NRCAM: variants seen among roughly 807,000 people sequenced by gnomAD.
NRCAM encodes the protein NgCAM-related cell adhesion molecule.
NRCAM carries 83 observed loss-of-function variants against 156.5 expected under a neutral mutation model. The observed-to-expected ratio is 0.53, with a 90% confidence interval of 0.44 to 0.64. NRCAM has a LOEUF of 0.64. NRCAM is among the 30% of genes least tolerant of loss of function. The pLI, the probability that NRCAM is intolerant of heterozygous loss-of-function variation, is 0.00. For synonymous variants in NRCAM, 538 were observed against 563.9 expected (o/e 0.95, Z 0.65); for missense variants, 1,417 against 1,597.3 (o/e 0.89, Z 1.92).
At chr7:108,230,725 C>T (rs1206319418) in intron 8 of NRCAM, among the ~76,000 whole-genome samples, 4 of 147,792 alleles carry the variant, frequency 2.7e-5, no homozygotes, top group African/African-American at 7.4e-5. Flanking sequence ...CAAAACTCTG[C>T]TTTTTTTTTT....
intron 1 of NRCAM, among the ~76,000 whole-genome samples, chr7:108,446,847 C>A (rs1268897372): frequency 3.3e-5 from 5 of 151,756 alleles, no homozygotes; most frequent in African/African-American, 7.3e-5. Context: ...CCTGCCTCAG[C>A]CTCCTGAGTA....
intron 2 of NRCAM, among the ~76,000 whole-genome samples, chr7:108,392,572 C>T (rs965203316): frequency 1.1e-4 from 16 of 152,192 alleles, no homozygotes; most frequent in Non-Finnish European, 2.4e-4. Context: ...TCTCTCAACT[C>T]GTCAAAGTCA....
intron 2 of NRCAM, among the ~76,000 whole-genome samples, chr7:108,378,458 G>A (rs1005815248): frequency 2.0e-5 from 3 of 151,954 alleles, no homozygotes; most frequent in South Asian, 2.1e-4. Flanking sequence ...AAAAGGTTGA[G>A]AATCATAAAG....
chr7:108,396,741 T>C (rs1032745170), intron 2 of NRCAM, among the ~76,000 whole-genome samples: 7 of 152,164 alleles, frequency 4.6e-5, no homozygotes, highest in African/African-American at 1.7e-4. Context: ...TGTATGAATT[T>C]AAAAATGAAC....
chr7:108,240,199 T>C (rs879202829), intron 3 of NRCAM, 29 bp from the exon 4 acceptor site: 10 of 577,918 alleles, frequency 1.7e-5, no homozygotes, highest in Admixed American at 1.2e-4. Context: ...GGAATAATAA[T>C]TATAATGTAT....
chr7:108,209,305 A>T (rs1300054231), intron 12 of NRCAM, 116 bp downstream of exon 12: 1 of 698,984 alleles, frequency 1.4e-6, no homozygotes, highest in Middle Eastern at 4.0e-4. Flanking sequence ...TCAAGGTACC[A>T]TGAATGTTGA....
rs758041961 is a variant in NRCAM, at chr7:108,255,902, C to T, written c.-106-15732G>A. Among the ~76,000 whole-genome samples, 4 of 150,720 alleles carry T rather than the reference C, an allele frequency of 2.7e-5. No homozygotes were observed. In the East Asian group the frequency reaches 5.9e-4, roughly 22 times the overall value. On this transcript the variant is annotated intron_variant, in intron 3 of 32. Transcript: ENST00000379028. ...GAGCGTCTCCGCCCGGCAGCCGCCC[C>T]GTCCGGGAGGTGGGGGGCAGCCCCC...
intron 1 of NRCAM, among the ~76,000 whole-genome samples, chr7:108,409,578 C>G (rs915596336): frequency 1.3e-5 from 2 of 152,208 alleles, no homozygotes; most frequent in Non-Finnish European, 2.9e-5. Flanking sequence ...GGCCTGAGGA[C>G]AGGTCGCTCC....
chr7:108,174,377 T>C (rs543615846), intron 28 of NRCAM, among the ~76,000 whole-genome samples: 3 of 152,358 alleles, frequency 2.0e-5, no homozygotes, highest in South Asian at 2.1e-4. Context: ...TTGAATAACA[T>C]AGGGCAAAGC....
chr7:108,211,980 C>T (rs1188742179), intron 11 of NRCAM, among the ~76,000 whole-genome samples: 1 of 152,172 alleles, frequency 6.6e-6, no homozygotes, highest in Non-Finnish European at 1.5e-5. Flanking sequence ...ACCTAAGAAC[C>T]CTCACAGAGT....
At chr7:108,254,609 G>A (rs187897150) in intron 3 of NRCAM, among the ~76,000 whole-genome samples, 13 of 142,844 alleles carry the variant, frequency 9.1e-5, no homozygotes, top group East Asian at 7.9e-4. Context: ...GTATAATAGC[G>A]TGATCTCAGC....
At chr7:108,452,411 G>C (rs1232038140) in intron 1 of NRCAM, among the ~76,000 whole-genome samples, 2 of 152,080 alleles carry the variant, frequency 1.3e-5, no homozygotes, top group African/African-American at 4.8e-5. Flanking sequence ...AATGCTGTGG[G>C]GGGGGGAAGA....
intron 3 of NRCAM, among the ~76,000 whole-genome samples, chr7:108,278,842 T>C (rs12674151): frequency 0.043 from 6,515 of 152,314 alleles, 185 homozygotes; most frequent in South Asian, 0.12. Flanking sequence ...TCGTCTTCTG[T>C]GTCGATCTTG....
At chr7:108,276,745 A>T (rs897369142) in intron 3 of NRCAM, among the ~76,000 whole-genome samples, 1 of 152,116 alleles carries the variant, frequency 6.6e-6, no homozygotes, top group African/African-American at 2.4e-5. Context: ...ATTTAAGGAT[A>T]ATATTGTTAG....
chr7:108,412,044 G>C lies in NRCAM; in HGVS notation c.-331-12451C>G, dbSNP rs150063964. 8.2e-4 allele frequency among the ~76,000 whole-genome samples: 124 copies of C among 152,052 alleles called. 1 individual carries two copies. The highest frequency in any genetic ancestry group is 2.9e-3 in the African/African-American group (122 of 41,486). On this transcript the variant is annotated intron_variant, in intron 1 of 32. Transcript: ENST00000379028. ...AATGATTATTTACAATTTAAATTTT[G>C]ATAAAAAATATCAAATTGACTTCCA...
chr7:108,211,426 C>T (rs1032722371), intron 11 of NRCAM, among the ~76,000 whole-genome samples: 3 of 152,212 alleles, frequency 2.0e-5, no homozygotes, highest in African/African-American at 4.8e-5. Flanking sequence ...ATGCAGACTC[C>T]ATAGGCTGGG....
chr7:108,189,236 C>T (rs1011010269), intron 20 of NRCAM, among the ~76,000 whole-genome samples: 2 of 152,186 alleles, frequency 1.3e-5, no homozygotes, highest in Non-Finnish European at 2.9e-5. Context: ...TGAAAAGTTA[C>T]TTTACTCATC....
intron 2 of NRCAM, among the ~76,000 whole-genome samples, chr7:108,340,709 T>C (rs1318389875): frequency 7.2e-5 from 11 of 152,218 alleles, no homozygotes. Flanking sequence ...TATTCAATGA[T>C]GTCCACTATA....
chr7:108,422,112 G>A (rs932918165), intron 1 of NRCAM, among the ~76,000 whole-genome samples: 1 of 152,084 alleles, frequency 6.6e-6, no homozygotes, highest in Non-Finnish European at 1.5e-5. Flanking sequence ...GAGTTCTTAG[G>A]TCAGAGTATG....
Sources: allele counts gnomAD v4.1 joint callset (sites outside exome capture counted in the v4.1 genomes callset), GRCh38; gene constraint gnomAD v4.1.1; transcripts MANE v1.5; gene names NCBI Gene and HGNC (gene_info 2026-07-23, HGNC 2026-07-21).